PCDH15: variants seen among roughly 807,000 people sequenced by gnomAD.
The protein encoded by PCDH15 is protocadherin-15.
In PCDH15, 129 loss-of-function variants were observed where a neutral mutation model predicts 178.5. The observed-to-expected ratio is 0.72, with a 90% CI of 0.63 to 0.84. The LOEUF is 0.84. PCDH15 is among the 40% of genes least tolerant of loss of function. PCDH15 has a pLI of 0.00. For synonymous variants in PCDH15, 800 were observed against 732.0 expected (o/e 1.09, Z -1.50); for missense variants, 2,230 against 2,099.9 (o/e 1.06, Z -1.21).
chr10:55,389,570 AATATTCAT>A (rs1373757952), intron 2 of PCDH15, among the ~76,000 whole-genome samples: 1 of 152,156 alleles, frequency 6.6e-6, no homozygotes, highest in African/African-American at 2.4e-5. Context: ...AATTCTACAA[AATATTCAT>A]ATATCTCATA....
intron 1 of PCDH15, among the ~76,000 whole-genome samples, chr10:54,791,249 T>C (rs1023561163): frequency 6.6e-6 from 1 of 151,812 alleles, no homozygotes; most frequent in Non-Finnish European, 1.5e-5. Flanking sequence ...TCCAGATAGG[T>C]CAAATCTTCC....
rs1185909302 is a variant in PCDH15 at position 54,926,410 on chromosome 10, TTTG to T, written c.-79-28913_-79-28911del. Among the ~76,000 whole-genome samples, 4 of 151,816 alleles carry T rather than the reference TTTG, an allele frequency of 2.6e-5. No homozygotes were observed. The South Asian group carries it at 8.3e-4, about 31-fold the overall frequency. On this transcript the variant is annotated intron_variant, in intron 2 of 5. Coordinates refer to the PCDH15 transcript ENST00000458638. ...ATAATAAATATTGGCCTGAAGTTTT[TTTG>T]TTGTTGTTGTTGTACTCTGCCTGGT...
intron 19 of PCDH15, among the ~76,000 whole-genome samples, chr10:54,021,773 A>C (rs1589958224): frequency 1.3e-5 from 2 of 151,964 alleles, no homozygotes; most frequent in South Asian, 4.1e-4. Context: ...TGATAGCTAA[A>C]CCAGCCTGAA....
At chr10:54,744,356 T>G (rs903635637) in intron 1 of PCDH15, among the ~76,000 whole-genome samples, 1 of 152,140 alleles carries the variant, frequency 6.6e-6, no homozygotes, top group Admixed American at 6.6e-5. Context: ...GAAACTGAGA[T>G]AATAAATGTT....
chr10:55,501,582 A>C (rs1326211395), intron 2 of PCDH15, among the ~76,000 whole-genome samples: 3 of 151,798 alleles, frequency 2.0e-5, no homozygotes, highest in Non-Finnish European at 1.5e-5. Flanking sequence ...ATAGTGTTTT[A>C]GAAAATAAAA....
chr10:55,510,082 C>CT (rs1176945039), intron 2 of PCDH15, among the ~76,000 whole-genome samples: 9 of 151,742 alleles, frequency 5.9e-5, no homozygotes, highest in South Asian at 2.1e-4. Context: ...ACAACAGAGA[C>CT]TTTTTTTTGT....
intron 2 of PCDH15, among the ~76,000 whole-genome samples, chr10:55,066,960 A>T (rs1841582139): frequency 6.6e-6 from 1 of 151,910 alleles, no homozygotes; most frequent in African/African-American, 2.4e-5. Context: ...GCTGTTGTAT[A>T]CCCCAAGTGC....
At chr10:54,962,299 A>AC (rs1360544500) in intron 2 of PCDH15, among the ~76,000 whole-genome samples, 3 of 152,026 alleles carry the variant, frequency 2.0e-5, no homozygotes, top group Admixed American at 6.6e-5. Flanking sequence ...CTGGGCAGCC[A>AC]CCCCACGTGA....
At chr10:54,707,201 A>T (rs1357570018) in intron 1 of PCDH15, among the ~76,000 whole-genome samples, 3 of 152,146 alleles carry the variant, frequency 2.0e-5, no homozygotes, top group Non-Finnish European at 4.4e-5. Context: ...TCAGCCCCAA[A>T]GAAGGGTCAG....
At chr10:55,300,739 T>A (rs1843253530) in intron 1 of PCDH15, among the ~76,000 whole-genome samples, 1 of 152,182 alleles carries the variant, frequency 6.6e-6, no homozygotes, top group African/African-American at 2.4e-5. Flanking sequence ...TGCTGAACAC[T>A]GATTAGAGCC....
chr10:53,972,572 A>T (rs568056754), intron 21 of PCDH15, among the ~76,000 whole-genome samples: 68 of 152,208 alleles, frequency 4.5e-4, no homozygotes, highest in Non-Finnish European at 8.1e-4. Flanking sequence ...GAATCTACAA[A>T]GAACTTAAAC....
chr10:54,599,183 T>C (rs2092399357), intron 2 of PCDH15, among the ~76,000 whole-genome samples: 1 of 151,872 alleles, frequency 6.6e-6, no homozygotes, highest in Non-Finnish European at 1.5e-5. Flanking sequence ...ACCAAAAACA[T>C]AGCCCAAATA....
intron 2 of PCDH15, among the ~76,000 whole-genome samples, chr10:55,552,004 G>C (rs903073524): frequency 2.0e-5 from 3 of 151,290 alleles, no homozygotes; most frequent in Non-Finnish European, 4.4e-5. Flanking sequence ...CTAAACTCTC[G>C]CTAAAAAGAC....
intron 16 of PCDH15, among the ~76,000 whole-genome samples, chr10:54,085,018 C>G (rs1192371466): frequency 2.6e-5 from 4 of 151,726 alleles, no homozygotes. Flanking sequence ...ATAAAGGGAG[C>G]TAGGTATTGA....
At chr10:54,343,870 C>CG (rs1350554284) in intron 6 of PCDH15, among the ~76,000 whole-genome samples, 1 of 131,506 alleles carries the variant, frequency 7.6e-6, no homozygotes. Context: ...CAGAAAGGCT[C>CG]AATTTAATTA....
chr10:54,585,059 A>C (rs1465904045), intron 2 of PCDH15, among the ~76,000 whole-genome samples: 1 of 152,160 alleles, frequency 6.6e-6, no homozygotes, highest in Admixed American at 6.6e-5. Context: ...ACAATATACA[A>C]ATAACATTTT....
intron 23 of PCDH15, among the ~76,000 whole-genome samples, chr10:53,952,119 T>A (rs1268524234): frequency 6.6e-6 from 1 of 152,190 alleles, no homozygotes; most frequent in Admixed American, 6.5e-5. Context: ...CTGGGATCCC[T>A]GAAGGGCCAC....
At chr10:55,444,165 A>T (rs1839262830) in intron 2 of PCDH15, among the ~76,000 whole-genome samples, 1 of 151,996 alleles carries the variant, frequency 6.6e-6, no homozygotes, top group African/African-American at 2.4e-5. Context: ...GGTTAGCATT[A>T]GGAGAAATAC....
chr10:54,857,453 C>CT lies in PCDH15; in HGVS notation c.-29+39996dup, dbSNP rs529128753. ...TTCGTTATTTTATTTGATTTAAATACTTTTTTTTGACATACAAGGTCTAAC... is the reference window on the plus strand; with the variant it reads ...TTCGTTATTTTATTTGATTTAAATACTTTTTTTTTGACATACAAGGTCTAAC... On this transcript the variant is annotated intron_variant, in intron 3 of 5. Transcript: ENST00000458638. Among the ~76,000 whole-genome samples, 405 of 151,760 alleles carry CT rather than the reference C, an allele frequency of 2.7e-3. 5 individuals carry two copies. Among genetic ancestry groups the CT allele is most frequent in the African/African-American group, 9.5e-3 (393 of 41,418 alleles).
Sources: allele counts gnomAD v4.1 joint callset (sites outside exome capture counted in the v4.1 genomes callset), GRCh38; gene constraint gnomAD v4.1.1; transcripts MANE v1.5; gene names NCBI Gene and HGNC (gene_info 2026-07-23, HGNC 2026-07-21).